Variants in ADGRV1 observed in about 807,000 individuals in gnomAD.
The protein encoded by ADGRV1 is adhesion G protein-coupled receptor V1, also known as G-protein coupled receptor 98.
A neutral mutation model predicts 596.2 loss-of-function variants in ADGRV1; 359 were observed. The observed-to-expected ratio is 0.60, with a 90% CI of 0.55 to 0.66. The LOEUF is 0.66. ADGRV1 is among the 30% of genes least tolerant of loss of function. The pLI is 0.00. For synonymous variants in ADGRV1, 2,681 were observed against 2,679.2 expected (o/e 1.00, Z -0.02); for missense variants, 7,274 against 7,575.6 (o/e 0.96, Z 1.48).
chr5:90,859,507 A>G (rs191311047), intron 82 of ADGRV1, among the ~76,000 whole-genome samples: 48 of 151,218 alleles, frequency 3.2e-4, no homozygotes, highest in Non-Finnish European at 5.6e-4. Flanking sequence ...ATCTCGGCTC[A>G]TTGCAACTTC....
At chr5:90,921,493 G>A (rs955456556) in intron 83 of ADGRV1, among the ~76,000 whole-genome samples, 1 of 152,058 alleles carries the variant, frequency 6.6e-6, no homozygotes, top group Non-Finnish European at 1.5e-5. Context: ...ATCTCCAACA[G>A]GATATCCCAC....
At chr5:90,703,628 C>T in intron 34 of ADGRV1, 37 bp from the exon 35 acceptor site, 4 of 1,482,064 alleles carry the variant, frequency 2.7e-6, no homozygotes, top group Non-Finnish European at 3.7e-6. Flanking sequence ...GTTTATTTTC[C>T]ATTAAGTATT....
At chr5:90,919,573 C>T (rs974716036) in intron 83 of ADGRV1, among the ~76,000 whole-genome samples, 2 of 152,128 alleles carry the variant, frequency 1.3e-5, no homozygotes, top group African/African-American at 4.8e-5. Context: ...CTAAAATGTA[C>T]TATAATTATT....
intron 13 of ADGRV1, 40 bp from the exon 14 acceptor site, chr5:90,643,763 T>C: frequency 6.9e-7 from 1 of 1,452,682 alleles, no homozygotes; most frequent in South Asian, 1.4e-5. Context: ...TTGTGAAAAG[T>C]CAACTTTATA....
chr5:91,041,244 C>G (rs962322259), intron 85 of ADGRV1, among the ~76,000 whole-genome samples: 1 of 152,188 alleles, frequency 6.6e-6, no homozygotes, highest in Non-Finnish European at 1.5e-5. Context: ...ACCCAAATGT[C>G]CATCAGTGAT....
At chr5:91,035,419 C>G (rs1784784034) in intron 85 of ADGRV1, among the ~76,000 whole-genome samples, 1 of 152,160 alleles carries the variant, frequency 6.6e-6, no homozygotes, top group South Asian at 2.1e-4. Context: ...ACATTTTCCT[C>G]TTCCCCAATA....
At chr5:91,113,089 G>A (rs540547952) in intron 87 of ADGRV1, among the ~76,000 whole-genome samples, 4 of 152,028 alleles carry the variant, frequency 2.6e-5, no homozygotes, top group African/African-American at 7.2e-5. Context: ...TATTTCCTTC[G>A]TGCAGATCCT....
At chr5:91,112,967 G>C (rs895960737) in intron 87 of ADGRV1, among the ~76,000 whole-genome samples, 1 of 152,114 alleles carries the variant, frequency 6.6e-6, no homozygotes, top group Non-Finnish European at 1.5e-5. Context: ...GTTTATCTCA[G>C]GATATATATA....
At chr5:90,601,928 A>G (rs940413393) in intron 1 of ADGRV1, among the ~76,000 whole-genome samples, 3 of 152,230 alleles carry the variant, frequency 2.0e-5, no homozygotes, top group African/African-American at 7.2e-5. Flanking sequence ...CTTGGACAAT[A>G]AGGGTATACA....
chr5:90,582,626 A>G (rs1346505907), intron 1 of ADGRV1, among the ~76,000 whole-genome samples: 1 of 152,148 alleles, frequency 6.6e-6, no homozygotes, highest in Non-Finnish European at 1.5e-5. Flanking sequence ...GTATAGTGGT[A>G]TCATCATTGC....
intron 21 of ADGRV1, among the ~76,000 whole-genome samples, chr5:90,668,673 A>T (rs1771968160): frequency 6.6e-6 from 1 of 152,054 alleles, no homozygotes; most frequent in African/African-American, 2.4e-5. Flanking sequence ...GACATTCGAA[A>T]GCTCTTTTAG....
intron 85 of ADGRV1, among the ~76,000 whole-genome samples, chr5:91,064,881 C>T (rs1787753388): frequency 6.6e-6 from 1 of 152,134 alleles, no homozygotes; most frequent in African/African-American, 2.4e-5. Context: ...GAAATACGTA[C>T]ACACACAATG....
chr5:90,687,515 T>C (rs1048606735), intron 29 of ADGRV1, among the ~76,000 whole-genome samples: 1 of 152,134 alleles, frequency 6.6e-6, no homozygotes, highest in South Asian at 2.1e-4. Flanking sequence ...CTCTCACCAC[T>C]CGTATTCAAC....
intron 1 of ADGRV1, among the ~76,000 whole-genome samples, chr5:90,574,434 CTTGAT>C (rs1204657626): frequency 2.0e-5 from 3 of 152,014 alleles, no homozygotes; most frequent in Non-Finnish European, 4.4e-5. Context: ...GGATTCTGTT[CTTGAT>C]TTAACTTTCA....
chr5:90,679,536 T>C lies in ADGRV1; in HGVS notation c.5444-13T>C. 6.2e-7 allele frequency: 1 copy of C among 1,604,424 alleles called. No individual in the cohort carries two copies. The highest frequency in any genetic ancestry group is 8.5e-7 in the Non-Finnish European group (1 of 1,171,616). ...GTGTTGTGTGGGTTGTGTCTCTGTG[T>C]CTCCTTGTGAAGTAGCTGAACTCTT... On this transcript the variant is annotated splice_polypyrimidine_tract_variant and intron_variant, in intron 25 of 89. Transcript: ENST00000405460.
intron 84 of ADGRV1, among the ~76,000 whole-genome samples, chr5:90,974,979 A>G (rs1779421825): frequency 6.6e-6 from 1 of 151,890 alleles, no homozygotes; most frequent in African/African-American, 2.4e-5. Context: ...TCCAGAATCT[A>G]CAAAGCACTC....
chr5:90,686,070 C>T (rs1745590156), intron 29 of ADGRV1, 75 bp downstream of exon 29: 2 of 880,676 alleles, frequency 2.3e-6, no homozygotes, highest in Admixed American at 7.4e-5. Flanking sequence ...TTGATTAACA[C>T]AGCCTCTCAA....
chr5:91,094,408 A>G (rs532262967), intron 86 of ADGRV1, among the ~76,000 whole-genome samples: 1 of 151,806 alleles, frequency 6.6e-6, no homozygotes, highest in South Asian at 2.1e-4. Flanking sequence ...GCAGTGAGCA[A>G]AGATCAGGCC....
intron 74 of ADGRV1, among the ~76,000 whole-genome samples, chr5:90,814,501 T>A (rs1762721936): frequency 6.6e-6 from 1 of 152,162 alleles, no homozygotes; most frequent in Non-Finnish European, 1.5e-5. Context: ...AATCCCCATG[T>A]GTCAAGGGTG....
Sources: allele counts gnomAD v4.1 joint callset (sites outside exome capture counted in the v4.1 genomes callset), GRCh38; gene constraint gnomAD v4.1.1; transcripts MANE v1.5; gene names NCBI Gene and HGNC (gene_info 2026-07-23, HGNC 2026-07-21).